Variants in DAPK1 observed in about 807,000 individuals in gnomAD.
The protein encoded by DAPK1 is death associated protein kinase 1.
In DAPK1, 56 loss-of-function variants were observed where a neutral mutation model predicts 144.9. That is an observed-to-expected ratio of 0.39 (90% confidence interval 0.31 to 0.48). The LOEUF is 0.48. Ranked by LOEUF, DAPK1 falls within the 20% of genes least tolerant of loss-of-function variation. The pLI is 0.95. For missense variants in DAPK1, 1,454 were observed against 1,875.4 expected, an observed-to-expected ratio of 0.78 and a Z score of 4.15; for synonymous variants, 690 against 749.0, an observed-to-expected ratio of 0.92 and a Z score of 1.29.
chr9:87,641,444 TG>T (rs1274924461), intron 9 of DAPK1, among the ~76,000 whole-genome samples: 1 of 152,182 alleles, frequency 6.6e-6, no homozygotes, highest in Non-Finnish European at 1.5e-5. Context: ...AATCAGGCTC[TG>T]GGGGCAAATA....
chr9:87,645,996 T>C lies in DAPK1; in HGVS notation c.1113T>C (p.Asp371=). Residue 371 remains aspartate, a synonymous_variant, in exon 12 of 26, where the codon GAT becomes GAC. Transcript: ENST00000408954. The stretch of plus-strand genomic sequence containing the variant: ...TTCTGGGCTCATTATCCAACTATGA[T>C]GTTAACCAACCCAACAAGGTCTGGT... ...QHLLGSLSNY[D]VNQPNKHGTP... 6.2e-7 allele frequency: 1 copy of C among 1,614,104 alleles called. No individual in the cohort carries two copies.
chr9:87,566,938 G>C lies in DAPK1; in HGVS notation c.63-38016G>C, dbSNP rs36232911. 4.4e-3 allele frequency among the ~76,000 whole-genome samples: 677 copies of C among 152,264 alleles called. 3 individuals carry two copies. The highest frequency in any genetic ancestry group is 0.016 in the African/African-American group (662 of 41,538). On this transcript the variant is annotated intron_variant, in intron 2 of 25. Coordinates refer to ENST00000408954, the MANE Select transcript of DAPK1 (RefSeq NM_004938.4). ...AATCACTATGGAAAGAGCATGAACT[G>C]ATAACTATACATTCGGGTGCCTGGT...
chr9:87,690,154 TTTG>T (rs1404906475), intron 21 of DAPK1, among the ~76,000 whole-genome samples: 1 of 152,148 alleles, frequency 6.6e-6, no homozygotes, highest in East Asian at 1.9e-4. Flanking sequence ...TGTATTTGCA[TTTG>T]TTTGTGTCCT....
At position 87,596,411 on chromosome 9, in the gene DAPK1, C is replaced by T. The variant is rs914424898; in HGVS notation, c.63-8543C>T. 2.5e-4 allele frequency among the ~76,000 whole-genome samples: 38 copies of T among 152,288 alleles called. 1 individual carries two copies. The highest frequency in any genetic ancestry group is 8.9e-4 in the African/African-American group (37 of 41,548). Reference sequence around the variant, plus strand: ...GACTGGGGAAGGTAAAGTTGGAGGCCAGCAATAAGCCCTGCCCAGCCAGAA... The same window carrying T: ...GACTGGGGAAGGTAAAGTTGGAGGCTAGCAATAAGCCCTGCCCAGCCAGAA... On this transcript the variant is annotated intron_variant, in intron 2 of 25. Transcript: ENST00000408954.
upstream of DAPK1, chr9:87,497,859 G>C (rs904723551): frequency 5.1e-6 from 2 of 392,820 alleles, no homozygotes; most frequent in African/African-American, 2.1e-5. Context: ...GCAAGGAGCC[G>C]AGAGGCTGCT....
At chr9:87,657,560 T>C (rs1007827473) in intron 17 of DAPK1, 1 of 171,042 alleles carries the variant, frequency 5.8e-6, no homozygotes, top group African/African-American at 2.4e-5. Flanking sequence ...GGCACCCCTA[T>C]GAATTCAGTA....
chr9:87,598,324 C>T (rs1275772009), intron 2 of DAPK1, among the ~76,000 whole-genome samples: 1 of 152,160 alleles, frequency 6.6e-6, no homozygotes, highest in African/African-American at 2.4e-5. Flanking sequence ...AAAGATGGAA[C>T]GTGTCAGCTG....
rs1825343615 is a variant in DAPK1, at chr9:87,698,577, C to T, written c.2612-79C>T. The stretch of plus-strand genomic sequence containing the variant: ...AGAGTCGGCCTGGGCATGAGGCCAA[C>T]ACACCGCCCTCACCTGGGCAGGAGA... On this transcript the variant is annotated intron_variant, in intron 22 of 25. Coordinates refer to ENST00000408954, the MANE Select transcript of DAPK1 (RefSeq NM_004938.4). 7 of 864,594 alleles carry T rather than the reference C, an allele frequency of 8.1e-6. No individual in the cohort carries two copies. In the East Asian group the frequency reaches 1.7e-4, roughly 21 times the overall value. The allele number at this position is 864,594 out of a possible 1,614,324, so 53.6% of individuals were successfully genotyped here.
intron 2 of DAPK1, among the ~76,000 whole-genome samples, chr9:87,502,726 A>G (rs563053693): frequency 1.3e-5 from 2 of 151,696 alleles, no homozygotes; most frequent in Non-Finnish European, 2.9e-5. Context: ...CTTCTCTGAG[A>G]CTCTCTTTGT....
chr9:87,638,486 A>G (rs1368703961), intron 4 of DAPK1, among the ~76,000 whole-genome samples: 2 of 152,220 alleles, frequency 1.3e-5, no homozygotes, highest in African/African-American at 4.8e-5. Flanking sequence ...TAATCAAGCA[A>G]ACCAAACTCA....
intron 3 of DAPK1, among the ~76,000 whole-genome samples, chr9:87,608,127 C>T (rs550440909): frequency 5.9e-5 from 9 of 152,294 alleles, no homozygotes; most frequent in Admixed American, 3.3e-4. Context: ...ATTCATTCAC[C>T]TCCCACCAGG....
rs1302424458 is a variant in DAPK1 at position 87,497,925 on chromosome 9, C to T, written c.-291C>T. On this transcript the variant is annotated 5_prime_UTR_variant, in exon 1 of 26. Coordinates refer to ENST00000408954, the MANE Select transcript of DAPK1 (RefSeq NM_004938.4). ...CCAACGCCGGGGACTTTGTTCCCTCCGCGGAGGGGACTCGGCAACTCGCAG... is the reference window on the plus strand; with the variant it reads ...CCAACGCCGGGGACTTTGTTCCCTCTGCGGAGGGGACTCGGCAACTCGCAG... 2 of 396,010 alleles carry T rather than the reference C, an allele frequency of 5.1e-6. No homozygotes were observed. The highest frequency in any genetic ancestry group is 2.1e-5 in the African/African-American group (1 of 48,644). 24.5% of individuals were successfully genotyped at this position (396,010 alleles called of 1,614,324 possible).
chr9:87,668,453 A>C, intron 18 of DAPK1, 144 bp from the exon 19 acceptor site: 3 of 684,380 alleles, frequency 4.4e-6, no homozygotes, highest in Non-Finnish European at 5.3e-6. Context: ...CCAGAGAAAC[A>C]CACCGAGACG....
At chr9:87,580,435 T>C (rs1462404660) in intron 2 of DAPK1, among the ~76,000 whole-genome samples, 1 of 152,178 alleles carries the variant, frequency 6.6e-6, no homozygotes, top group Non-Finnish European at 1.5e-5. Context: ...TGGTTCCCAG[T>C]GCAAAGCAAT....
chr9:87,584,664 T>TTGTGTGTGTGTGTGTGTGTGTGTGTG (rs113125719), intron 2 of DAPK1, among the ~76,000 whole-genome samples: 3 of 140,404 alleles, frequency 2.1e-5, no homozygotes, highest in African/African-American at 5.0e-5. Context: ...TGATAGCTCA[T>TTGTGTGTGTGTGTGTGTGTGTGTGTG]TGTGTGTGTG....
At chr9:87,677,145 C>A (rs944541875) in intron 19 of DAPK1, among the ~76,000 whole-genome samples, 1 of 152,244 alleles carries the variant, frequency 6.6e-6, no homozygotes, top group Non-Finnish European at 1.5e-5. Flanking sequence ...TGTCTCAACT[C>A]CTCCTGCTGC....
At chr9:87,620,170 TGCTCGTGCCCCTCC>T (rs1047294082) in intron 3 of DAPK1, among the ~76,000 whole-genome samples, 17 of 152,116 alleles carry the variant, frequency 1.1e-4, no homozygotes, top group Non-Finnish European at 2.1e-4. Context: ...GGAGACCCTC[TGCTCGTGCCCCTCC>T]GCTCGTGCCC....
Position 87,706,147 on chromosome 9 carries a change from A to G in DAPK1, c.3076A>G (p.Ser1026Gly). The change falls in exon 26 of 26, where the codon AGT becomes GGT. Residue 1026 changes from serine to glycine, a missense_variant. Ser to Gly is a moderately conservative substitution (Grantham distance 56). Coordinates refer to ENST00000408954, the MANE Select transcript of DAPK1 (RefSeq NM_004938.4). The surrounding 1 kb of genome is among the most constrained non-coding windows in gnomAD (Gnocchi z 9.0). Reference sequence around the variant, plus strand: ...CCCCCCGCAGATCAACATCATGCAAAGTGAAACAGTTCAGGACGTGCTGCT... The same window carrying G: ...CCCCCCGCAGATCAACATCATGCAAGGTGAAACAGTTCAGGACGTGCTGCT... The part of the protein sequence containing the change: ...HSTGEINIMQ[S>G]ETVQDVLLLD... 6.3e-7 allele frequency: 1 copy of G among 1,595,572 alleles called. No homozygotes were observed. Among genetic ancestry groups the G allele is most frequent in the Non-Finnish European group, 8.6e-7 (1 of 1,166,114 alleles).
At chr9:87,680,997 C>T (rs1205392408) in intron 19 of DAPK1, among the ~76,000 whole-genome samples, 5 of 151,980 alleles carry the variant, frequency 3.3e-5, no homozygotes, top group Non-Finnish European at 5.9e-5. Flanking sequence ...ATAAACATAC[C>T]GCCAGGCACG....
Sources: allele counts gnomAD v4.1 joint callset (sites outside exome capture counted in the v4.1 genomes callset), GRCh38; gene constraint gnomAD v4.1.1; non-coding constraint Gnocchi (gnomAD v3.1); transcripts MANE v1.5; gene names NCBI Gene and HGNC (gene_info 2026-07-23, HGNC 2026-07-21).